The following ATOSB variants were observed in gnomAD, a reference collection of about 807,000 sequenced individuals.
The protein encoded by ATOSB is atos homolog protein B.
the ATOSB span, chr9:35,105,767 G>A: frequency 3.1e-6 from 5 of 1,614,098 alleles, no homozygotes; most frequent in Admixed American, 1.7e-5. This position sits in a 1 kb window ranked among gnomAD's most constrained non-coding sequence, Gnocchi z 5.5. Context: ...AGGCGATGGC[G>A]CAGGAAGGTC....
At chr9:35,114,235 C>A in the ATOSB span, among the ~76,000 whole-genome samples, 1 of 152,306 alleles carries the variant, frequency 6.6e-6, no homozygotes, top group East Asian at 1.9e-4. Context: ...CCTGAGGAAG[C>A]TGGAGAGTCT....
At chr9:35,105,916 TC>T in the ATOSB span, 1 of 1,613,856 alleles carries the variant, frequency 6.2e-7, no homozygotes, top group Non-Finnish European at 8.5e-7. The surrounding 1 kb of genome is among the most constrained non-coding windows in gnomAD (Gnocchi z 5.5). Context: ...CTCTCCCCAC[TC>T]CCACTCCCTC....
the ATOSB span, chr9:35,107,333 A>AAC: frequency 6.4e-7 from 1 of 1,552,554 alleles, no homozygotes; most frequent in Non-Finnish European, 8.6e-7. Context: ...AAAAAAAAAA[A>AAC]AAAAAAAAAA....
the ATOSB span, chr9:35,106,357 T>C: frequency 6.2e-6 from 10 of 1,614,162 alleles, no homozygotes; most frequent in Non-Finnish European, 7.6e-6. The surrounding 1 kb of genome is among the most constrained non-coding windows in gnomAD (Gnocchi z 4.6). Flanking sequence ...CAATTTCTGC[T>C]GTGAAGCCCT....
the ATOSB span, chr9:35,108,596 C>A: frequency 1.7e-5 from 19 of 1,115,354 alleles, no homozygotes; most frequent in Admixed American, 4.8e-5. Flanking sequence ...GTACTTACCC[C>A]GATGAAGAGG....
chr9:35,107,871 G>T, the ATOSB span: 1 of 1,596,604 alleles, frequency 6.3e-7, no homozygotes, highest in Non-Finnish European at 8.5e-7. Flanking sequence ...CGAAGTCCAA[G>T]ATGAGGTGAC....
chr9:35,105,142 G>T, the ATOSB span: 1 of 1,446,760 alleles, frequency 6.9e-7, no homozygotes, highest in Non-Finnish European at 9.3e-7. This position sits in a 1 kb window ranked among gnomAD's most constrained non-coding sequence, Gnocchi z 5.5. Flanking sequence ...AGGGTCTCTT[G>T]CTGTCTCTCC....
chr9:35,104,762 T>C, the ATOSB span: 1 of 203,774 alleles, frequency 4.9e-6, no homozygotes, highest in Non-Finnish European at 1.2e-5. Flanking sequence ...CGCATAAGCC[T>C]CTTCAACTCC....
the ATOSB span, chr9:35,106,717 C>T: frequency 3.4e-6 from 5 of 1,458,824 alleles, no homozygotes; most frequent in Non-Finnish European, 3.7e-6. This position sits in a 1 kb window ranked among gnomAD's most constrained non-coding sequence, Gnocchi z 4.6. Flanking sequence ...TTGGACTCCA[C>T]CCTCTGCCAC....
chr9:35,106,596 G>A, the ATOSB span: 1 of 1,566,038 alleles, frequency 6.4e-7, no homozygotes, highest in South Asian at 1.2e-5. This position sits in a 1 kb window ranked among gnomAD's most constrained non-coding sequence, Gnocchi z 4.6. Context: ...GGAGGCACTG[G>A]GGGGGCTCAG....
the ATOSB span, chr9:35,105,753 A>G: frequency 1.9e-6 from 3 of 1,613,908 alleles, no homozygotes; most frequent in African/African-American, 4.0e-5. The surrounding 1 kb of genome is among the most constrained non-coding windows in gnomAD (Gnocchi z 5.5). Context: ...CAGGCACCAA[A>G]AAGAGGCGAT....
At chr9:35,106,489 T>A in the ATOSB span, 6 of 1,602,282 alleles carry the variant, frequency 3.7e-6, no homozygotes, top group Non-Finnish European at 5.1e-6. The surrounding 1 kb of genome is among the most constrained non-coding windows in gnomAD (Gnocchi z 4.6). Context: ...CATTCCACCA[T>A]CCCACCTCTC....
the ATOSB span, chr9:35,112,306 C>CCTGTCCCATCCCTT: frequency 0.97 from 147,890 of 152,110 alleles, 72,003 homozygotes; most frequent in Middle Eastern, 1. Context: ...CTGAGATCAG[C>CCTGTCCCATCCCTT]CTGCCAGCAC....
At chr9:35,113,334 G>A in the ATOSB span, among the ~76,000 whole-genome samples, 1 of 152,128 alleles carries the variant, frequency 6.6e-6, no homozygotes, top group South Asian at 2.1e-4. Flanking sequence ...GTACAACCAA[G>A]AGGACTTACC....
the ATOSB span, chr9:35,105,980 C>T: frequency 6.2e-7 from 1 of 1,614,036 alleles, no homozygotes; most frequent in East Asian, 2.2e-5. The surrounding 1 kb of genome is among the most constrained non-coding windows in gnomAD (Gnocchi z 5.5). Flanking sequence ...TGTAACCCTT[C>T]CTCCCCAAGG....
chr9:35,112,155 T>A, the ATOSB span, among the ~76,000 whole-genome samples: 5 of 152,226 alleles, frequency 3.3e-5, no homozygotes, highest in African/African-American at 4.8e-5. Flanking sequence ...CCTTCCATGT[T>A]AAGAAGTGGT....
At chr9:35,114,731 A>T in the ATOSB span, among the ~76,000 whole-genome samples, 1 of 151,766 alleles carries the variant, frequency 6.6e-6, no homozygotes, top group Non-Finnish European at 1.5e-5. Flanking sequence ...CAGACAGAAG[A>T]CCCTCAATAC....
chr9:35,108,785 T>A, the ATOSB span: 1 of 680,686 alleles, frequency 1.5e-6, no homozygotes, highest in Non-Finnish European at 1.8e-6. Flanking sequence ...GAGCCAGCGG[T>A]AAGGCCTGTC....
At chr9:35,112,616 G>C in the ATOSB span, among the ~76,000 whole-genome samples, 2 of 152,104 alleles carry the variant, frequency 1.3e-5, no homozygotes, top group Admixed American at 1.3e-4. Context: ...CTTTCTAGAG[G>C]GTACTCTAGA....
Sources: allele counts gnomAD v4.1 joint callset (sites outside exome capture counted in the v4.1 genomes callset), GRCh38; gene constraint gnomAD v4.1.1; non-coding constraint Gnocchi (gnomAD v3.1); transcripts MANE v1.5; gene names NCBI Gene and HGNC (gene_info 2026-07-23, HGNC 2026-07-21).